Variants in ATRX observed in about 807,000 individuals in gnomAD.
The protein encoded by ATRX is ATRX chromatin remodeler, also known as chromatin remodeler ATRX.
Under a neutral mutation model 172.6 loss-of-function variants are expected in ATRX, and 12 were observed. The ratio of observed to expected loss-of-function variants is 0.07; its 90% confidence interval spans 0.04 to 0.11. ATRX has a LOEUF of 0.11. ATRX is among the 10% of genes least tolerant of loss of function. ATRX has a pLI of 1.00. For missense variants in ATRX, 1,368 were observed against 1,767.4 expected (o/e 0.77, Z 4.05); for synonymous variants, 674 against 594.7 (o/e 1.13, Z -1.94).
chrX:77,653,014 AAAAAAAAG>A (rs797028470), intron 14 of ATRX, among the ~76,000 whole-genome samples: 118 of 109,233 alleles, frequency 1.1e-3, no homozygotes, highest in Middle Eastern at 4.7e-3. Flanking sequence ...TAAAAAAAAA[AAAAAAAAG>A]AAAAAAAGAA....
At chrX:77,585,475 CGGAGGTGGGAGAATCCCTTGAACTCA>C (rs1361433283) in intron 27 of ATRX, among the ~76,000 whole-genome samples, 2 of 102,067 alleles carry the variant, frequency 2.0e-5, no homozygotes, top group African/African-American at 7.2e-5. Flanking sequence ...ACTGGGGAGG[CGGAGGTGGGAGAATCCCTTGAACTCA>C]GGAGGTGGAA....
At chrX:77,522,725 C>T (rs1183865490) in intron 31 of ATRX, among the ~76,000 whole-genome samples, 1 of 111,618 alleles carries the variant, frequency 9.0e-6, no homozygotes, top group Non-Finnish European at 1.9e-5. Context: ...ATAAGGTTTC[C>T]CATGCTCAGG....
At chrX:77,576,362 A>G (rs2065617520) in intron 27 of ATRX, among the ~76,000 whole-genome samples, 1 of 111,154 alleles carries the variant, frequency 9.0e-6, no homozygotes, top group South Asian at 3.8e-4. Flanking sequence ...AAAAAAATAT[A>G]TTTAAGCTTA....
At chrX:77,589,173 A>G (rs1199433121) in intron 27 of ATRX, among the ~76,000 whole-genome samples, 1 of 112,470 alleles carries the variant, frequency 8.9e-6, no homozygotes, top group Non-Finnish European at 1.9e-5. Context: ...ACCACATATT[A>G]CATGTTTCCA....
intron 30 of ATRX, among the ~76,000 whole-genome samples, chrX:77,553,885 G>A (rs1387864541): frequency 8.9e-6 from 1 of 111,864 alleles, no homozygotes; most frequent in Non-Finnish European, 1.9e-5. Context: ...TAAGACTATA[G>A]CTTCTTGGGA....
intron 30 of ATRX, among the ~76,000 whole-genome samples, chrX:77,557,118 G>T (rs1557059449): frequency 9.0e-6 from 1 of 111,559 alleles, no homozygotes; most frequent in East Asian, 2.8e-4. Flanking sequence ...GAATAAATTC[G>T]AAGTAATTTC....
At chrX:77,687,282 G>GCCA (rs1557144543) in intron 7 of ATRX, among the ~76,000 whole-genome samples, 1 of 109,247 alleles carries the variant, frequency 9.2e-6, no homozygotes, top group Non-Finnish European at 1.9e-5. Flanking sequence ...AATTTTAATA[G>GCCA]CCACCATATA....
Position 77,684,575 on chromosome X carries a change from T to C in ATRX, c.681A>G (p.Gly227=). The change falls in exon 9 of 35, where the codon GGA becomes GGG. Residue 227 remains glycine (G), a synonymous_variant. Coordinates refer to ENST00000373344, the MANE Select transcript of ATRX (RefSeq NM_000489.6). ...GGCAAAAGTCACAACAAATCAAGTT[T>C]CCACCTTCCGCACACCACCTGAAAT... The part of the protein sequence containing the change: ...DEQCRWCAEG[G]NLICCDFCHN... 1 of 1,210,429 alleles carries C rather than the reference T, an allele frequency of 8.3e-7. No homozygotes were observed. Among genetic ancestry groups the C allele is most frequent in the Non-Finnish European group, 1.1e-6 (1 of 894,275 alleles).
chrX:77,599,227 TA>T (rs782296541), intron 25 of ATRX, among the ~76,000 whole-genome samples, 183 bp downstream of exon 25: 190 of 111,616 alleles, frequency 1.7e-3, no homozygotes, highest in Non-Finnish European at 3.0e-3. Context: ...GAGCACAGAG[TA>T]GCTTGCTTAT....
intron 7 of ATRX, among the ~76,000 whole-genome samples, chrX:77,685,889 A>G (rs2071525663): frequency 8.9e-6 from 1 of 112,312 alleles, no homozygotes. Context: ...GTCATTTGCA[A>G]CAACATGGAA....
intron 27 of ATRX, among the ~76,000 whole-genome samples, chrX:77,583,211 C>T (rs1352043229): frequency 9.0e-6 from 1 of 111,351 alleles, no homozygotes; most frequent in Non-Finnish European, 1.9e-5. Flanking sequence ...TACATCATAT[C>T]AACAGCATGA....
chrX:77,681,892 A>T lies in ATRX; in HGVS notation c.3364T>A (p.Cys1122Ser), dbSNP rs782602816. Residue 1122 changes from cysteine to serine, a missense_variant, in exon 9 of 35, where the codon TGT (cysteine) becomes AGT (serine). Coordinates refer to ENST00000373344, the MANE Select transcript of ATRX (RefSeq NM_000489.6). ...TTCAGTCTCTTATCAGAAGAGTTAC[A>T]ACCATCTTCTTTCATGGAATATTTC... ...TEKYSMKEDG[C>S]NSSDKRLKRI... 6 of 1,207,757 alleles carry T rather than the reference A, an allele frequency of 5.0e-6. No individual in the cohort carries two copies. In the Admixed American group the frequency reaches 6.6e-5, roughly 13 times the overall value.
chrX:77,683,253 G>A lies in ATRX; in HGVS notation c.2003C>T (p.Thr668Ile), dbSNP rs2148609386. The change falls in exon 9 of 35, where the codon ACA becomes ATA. Residue 668 changes from threonine (T) to isoleucine (I), a missense_variant. Physicochemically the swap from Thr to Ile is moderately conservative, Grantham distance 89. This residue lies in a region of ATRX where 843 missense variants were observed against 643.1 expected (regional missense o/e 1.31). Transcript: ENST00000373344. The part of the protein sequence containing the change: ...RVKTTPLRRP[T>I]ETNPVTSNSD... ...ATTAGATGTTACAGGGTTAGTTTCT[G>A]TCGGTCGCCTCAAGGGTGTAGTCTT... The A allele has an allele frequency of 8.3e-7, 1 of 1,210,765 alleles. No homozygotes were observed. The highest frequency in any genetic ancestry group is 1.1e-6 in the Non-Finnish European group (1 of 895,012).
At chrX:77,641,496 G>A (rs782346760) in intron 15 of ATRX, among the ~76,000 whole-genome samples, 14 of 107,660 alleles carry the variant, frequency 1.3e-4, no homozygotes, top group Non-Finnish European at 2.5e-4. Context: ...CAGGAGAATC[G>A]CTTGAACCCA....
At chrX:77,624,284 G>A (rs185994044) in intron 19 of ATRX, among the ~76,000 whole-genome samples, 120 of 110,998 alleles carry the variant, frequency 1.1e-3, no homozygotes, top group Non-Finnish European at 1.9e-3. Context: ...GGAGAATGGC[G>A]TGAACCCGGG....
At chrX:77,648,243 G>A (rs1557114861) in intron 15 of ATRX, among the ~76,000 whole-genome samples, 2 of 111,461 alleles carry the variant, frequency 1.8e-5, no homozygotes, top group African/African-American at 6.5e-5. Context: ...CAGAAGATGT[G>A]AATATAATCA....
chrX:77,694,724 A>G (rs1224311819), intron 5 of ATRX, among the ~76,000 whole-genome samples: 1 of 110,174 alleles, frequency 9.1e-6, no homozygotes, highest in Non-Finnish European at 1.9e-5. Flanking sequence ...TTTAGGTTTC[A>G]ATGTTTACCT....
chrX:77,775,715 C>CTTTATTTATTTA (rs112567888), intron 1 of ATRX, among the ~76,000 whole-genome samples: 33 of 100,328 alleles, frequency 3.3e-4, no homozygotes, highest in South Asian at 1.5e-3. Context: ...AACAATAATT[C>CTTTATTTATTTA]TTTATTTATT....
At chrX:77,579,625 T>C (rs1557072738) in intron 27 of ATRX, among the ~76,000 whole-genome samples, 4 of 111,974 alleles carry the variant, frequency 3.6e-5, no homozygotes, top group Non-Finnish European at 7.5e-5. Flanking sequence ...ACAGCTTCAG[T>C]GACTAAAAAG....
Sources: gnomAD v4.1 joint callset for allele counts (sites outside exome capture counted in the v4.1 genomes callset) on GRCh38, gnomAD v4.1.1 for gene constraint, gnomAD v4.1.1 regional missense constraint, MANE v1.5 for transcripts, NCBI Gene and HGNC (gene_info 2026-07-23, HGNC 2026-07-21) for gene names.